SAMD11: variants seen among roughly 807,000 people sequenced by gnomAD.
SAMD11 encodes sterile alpha motif domain containing 11, also known as sterile alpha motif domain-containing protein 11.
In SAMD11, 77 loss-of-function variants were observed where a neutral mutation model predicts 64.4. The observed-to-expected ratio is 1.20, with a 90% CI of 0.99 to 1.44. SAMD11 has a LOEUF of 1.44. Ranked by LOEUF, SAMD11 falls within the 40% of genes most tolerant of loss-of-function variation. The pLI is 0.00. For missense variants in SAMD11, 1,402 were observed against 943.3 expected (o/e 1.49, Z -6.37); for synonymous variants, 658 against 421.9 (o/e 1.56, Z -6.86).
At position 942,826 on chromosome 1, in the gene SAMD11, C is replaced by G; in HGVS notation, c.1821C>G (p.Pro607=). ...KGGPGPASAR[P]SESKEMTGAR... is the part of the protein sequence containing the mutation. ...GTCCCGGCCCTGCCTCAGCGCGGCC[C>G]AGCGAGTCCAAGGAGATGACGGGGG... Residue 607 remains proline, a synonymous_variant, in exon 11 of 14, where the codon CCC becomes CCG. Transcript: ENST00000616016. 5 of 1,549,424 alleles carry G rather than the reference C, an allele frequency of 3.2e-6. No homozygotes were observed. Among genetic ancestry groups the G allele is most frequent in the Non-Finnish European group, 4.4e-6 (5 of 1,146,774 alleles).
chr1:935,908 AG>A lies in SAMD11; in HGVS notation c.967+17del. On this transcript the variant is annotated intron_variant, in intron 5 of 13. Coordinates refer to ENST00000616016, the MANE Select transcript of SAMD11 (RefSeq NM_001385641.1). ...CCTGCGACCCGCCGGTGAGGAGCAC[AG>A]GGGGCCTGAGGGCGGGGTCGGGGCT... 6.2e-7 allele frequency: 1 copy of A among 1,611,568 alleles called. No homozygotes were observed. Among genetic ancestry groups the A allele is most frequent in the Non-Finnish European group, 8.5e-7 (1 of 1,179,132 alleles).
At chr1:926,991 T>C (rs1640924486) in intron 2 of SAMD11, among the ~76,000 whole-genome samples, 2 of 152,042 alleles carry the variant, frequency 1.3e-5, no homozygotes, top group Admixed American at 1.3e-4. Context: ...CTGTGAGCCA[T>C]GAGTGCCGTA....
chr1:925,570 G>A (rs1640842110), intron 1 of SAMD11, among the ~76,000 whole-genome samples: 1 of 152,174 alleles, frequency 6.6e-6, no homozygotes, highest in African/African-American at 2.4e-5. Context: ...CGCAGGCCGA[G>A]GGTCCCGACG....
chr1:937,464 G>A (rs1168122232), intron 5 of SAMD11, among the ~76,000 whole-genome samples: 1 of 151,562 alleles, frequency 6.6e-6, no homozygotes, highest in South Asian at 2.1e-4. Flanking sequence ...GAACGGAGAG[G>A]GTAGTTTCCA....
chr1:939,587 C>A (rs1386028436), intron 7 of SAMD11, 175 bp downstream of exon 7: 10 of 1,210,554 alleles, frequency 8.3e-6, no homozygotes, highest in Non-Finnish European at 1.0e-5. Flanking sequence ...GCCACACGTC[C>A]TGCCCCATGC....
intron 5 of SAMD11, among the ~76,000 whole-genome samples, chr1:938,681 G>T (rs188429060): frequency 3.3e-5 from 5 of 152,234 alleles, no homozygotes; most frequent in Non-Finnish European, 7.3e-5. Context: ...GGAGGGGAAG[G>T]TGGTGCCTGG....
At position 942,157 on chromosome 1, in the gene SAMD11, C is replaced by T. The variant is rs750117036; in HGVS notation, c.1380C>T (p.Pro460=). The T allele has an allele frequency of 9.2e-6, 13 of 1,408,634 alleles. No individual in the cohort carries two copies. The Admixed American group carries it at 1.4e-4, about 15-fold the overall frequency. The allele number at this position is 1,408,634 out of a possible 1,614,324, so 87.3% of individuals were successfully genotyped here. Residue 460 remains proline, a synonymous_variant, in exon 9 of 14, where the codon CCC becomes CCT. Coordinates refer to ENST00000616016, the MANE Select transcript of SAMD11 (RefSeq NM_001385641.1). ...ACAGGGAGCTGCCTCAGCCGCCCCCCTTGCTGTCGCCGCAGAATGCCCCTC... is the reference window on the plus strand; with the variant it reads ...ACAGGGAGCTGCCTCAGCCGCCCCCTTTGCTGTCGCCGCAGAATGCCCCTC... ...FSERELPQPP[P]LLSPQNAPHV...
intron 4 of SAMD11, among the ~76,000 whole-genome samples, chr1:932,564 G>C (rs1641219778): frequency 6.6e-6 from 1 of 152,248 alleles, no homozygotes; most frequent in African/African-American, 2.4e-5. Flanking sequence ...TGTCCGGTCA[G>C]AGCGGGTGGT....
intron 8 of SAMD11, among the ~76,000 whole-genome samples, chr1:941,801 A>G (rs931883480): frequency 6.6e-6 from 1 of 152,072 alleles, no homozygotes; most frequent in Non-Finnish European, 1.5e-5. Context: ...CGGCGTCTGC[A>G]GCTGCCTCCA....
In SAMD11 at chr1:939,424, C is replaced by T. The variant is rs756102009; in HGVS notation, c.1195+12C>T. 1 of 1,441,878 alleles carries T rather than the reference C, an allele frequency of 6.9e-7. No homozygotes were observed. The highest frequency in any genetic ancestry group is 9.6e-7 in the Non-Finnish European group (1 of 1,044,478). The allele number at this position is 1,441,878 out of a possible 1,614,324, so 89.3% of individuals were successfully genotyped here. The stretch of plus-strand genomic sequence containing the variant: ...CCTCCCCAGCCACGGTGAGGACCCA[C>T]CCTGGCATGATCCCCCTCATCACCT... On this transcript the variant is annotated intron_variant, in intron 7 of 13. Coordinates refer to ENST00000616016, the MANE Select transcript of SAMD11 (RefSeq NM_001385641.1).
At position 942,448 on chromosome 1, in the gene SAMD11, G is replaced by T. The variant is rs769309996; in HGVS notation, c.1513G>T (p.Ala505Ser). 6.7e-7 allele frequency: 1 copy of T among 1,487,860 alleles called. No homozygotes were observed. 92.2% of individuals were successfully genotyped at this position (1,487,860 alleles called of 1,614,324 possible). A position where few individuals can be genotyped will look rare whatever the true frequency, so the allele number is the denominator to read the frequency against. The change falls in exon 10 of 14, where the codon GCC (alanine) becomes TCC (serine). Residue 505 changes from alanine (A) to serine (S), a missense_variant. Physicochemically the swap from Ala to Ser is moderately conservative, Grantham distance 99. Transcript: ENST00000616016. ...FLPPAQAEMF[A>S]WQQELLRKQN... ...GCCCCCCGCGCAGGCGGAGATGTTC[G>T]CCTGGCAGCAGGAGCTCCTGCGGAA...
chr1:928,341 C>G (rs939158313), intron 2 of SAMD11, among the ~76,000 whole-genome samples: 35 of 152,274 alleles, frequency 2.3e-4, no homozygotes, highest in Admixed American at 8.5e-4. Flanking sequence ...GCAGTGAGCC[C>G]AGATTGTGCC....
chr1:944,213 G>A lies in SAMD11; in HGVS notation c.*60G>A. ...TCCAGGAGCCACCACTCAACACAAT[G>A]GCCCTGCCTCCCACCGCTTTATTTC... is the stretch of plus-strand genomic sequence containing the variant. On this transcript the variant is annotated 3_prime_UTR_variant, in exon 14 of 14. Transcript: ENST00000616016. 1 of 1,480,584 alleles carries A rather than the reference G, an allele frequency of 6.8e-7. No individual in the cohort carries two copies. The highest frequency in any genetic ancestry group is 9.0e-7 in the Non-Finnish European group (1 of 1,116,702). The allele number at this position is 1,480,584 out of a possible 1,614,324, so 91.7% of individuals were successfully genotyped here. A position where few individuals can be genotyped will look rare whatever the true frequency, so the allele number is the denominator to read the frequency against.
chr1:942,770 G>A lies in SAMD11; in HGVS notation c.1765G>A (p.Asp589Asn), dbSNP rs1221076375. ...CTCCGGACCCCCCACCCCGTCCCGG[G>A]ACTCTGCCCGGCGAGCCCCCCGGAA... is the stretch of plus-strand genomic sequence containing the variant. ...PGSGPPTPSR[D>N]SARRAPRKGG... is the part of the protein sequence containing the mutation. The change falls in exon 11 of 14, where the codon GAC (aspartate) becomes AAC (asparagine). Residue 589 changes from aspartate to asparagine, a missense_variant. Coordinates refer to ENST00000616016, the MANE Select transcript of SAMD11 (RefSeq NM_001385641.1). 3.3e-6 allele frequency: 5 copies of A among 1,533,994 alleles called. No homozygotes were observed. Among genetic ancestry groups the A allele is most frequent in the Middle Eastern group, 1.8e-4 (1 of 5,408 alleles).
rs752999505 is a variant in SAMD11, at chr1:944,063, C to T, written c.2445C>T (p.His815=). The part of the protein sequence containing the change: ...TTATSPYGGG[H]ALAGQTSPKQ... ...CCACGTCCCCCTATGGAGGGGGCCA[C>T]GCCCTTGCCGGTCAAACTTCACCCA... Residue 815 remains histidine, a synonymous_variant, in exon 14 of 14, where the codon CAC becomes CAT. Transcript: ENST00000616016. 4.5e-5 allele frequency: 72 copies of T among 1,612,610 alleles called. No individual in the cohort carries two copies. Among genetic ancestry groups the T allele is most frequent in the South Asian group, 1.6e-4 (15 of 91,080 alleles).
rs1295900753 is a variant in SAMD11 at position 943,194 on chromosome 1, G to GGA, written c.2054-56_2054-55dup. ...CAGCAATTGGGGCACACGACGGTCA[G>GGA]GAGACGGGCGGGTATGGGAAAGCCA... On this transcript the variant is annotated intron_variant, in intron 11 of 13. Transcript: ENST00000616016. The GGA allele has an allele frequency of 2.5e-6, 4 of 1,609,054 alleles. No individual in the cohort carries two copies. The East Asian group carries it at 8.9e-5, about 36-fold the overall frequency.
In SAMD11 at chr1:942,595, G is replaced by T; in HGVS notation, c.1590G>T (p.Glu530Asp). 7.0e-7 allele frequency: 1 copy of T among 1,434,558 alleles called. No homozygotes were observed. 88.9% of individuals were successfully genotyped at this position (1,434,558 alleles called of 1,614,324 possible). The change falls in exon 11 of 14, where the codon GAG becomes GAT. Residue 530 changes from glutamate (E) to aspartate (D), a missense_variant. Transcript: ENST00000616016. ...ELPADLLRQK[E>D]LESARPQLLA... ...CCGCCGACCTCCTGCGGCAGAAGGAGCTGGAGAGCGCGCGCCCACAGCTGC... is the reference window on the plus strand; with the variant it reads ...CCGCCGACCTCCTGCGGCAGAAGGATCTGGAGAGCGCGCGCCCACAGCTGC...
Position 941,178 on chromosome 1 carries a change from A to G in SAMD11, c.1230A>G (p.Ala410=). ...LLRVRQEVAA[A]ALRGPSGLEA... is the part of the protein sequence containing the mutation. The stretch of plus-strand genomic sequence containing the variant: ...GGGTCCGGCAGGAGGTGGCGGCTGC[A>G]GCTCTGAGGGGCCCCAGTGGCCTGG... The change falls in exon 8 of 14, where the codon GCA becomes GCG. Residue 410 remains alanine (A), a synonymous_variant. Transcript: ENST00000616016. 1 of 1,602,376 alleles carries G rather than the reference A, an allele frequency of 6.2e-7. No homozygotes were observed. Among genetic ancestry groups the G allele is most frequent in the Non-Finnish European group, 8.5e-7 (1 of 1,175,454 alleles).
At chr1:943,548 TGC>T (rs1641952285) in intron 12 of SAMD11, 148 bp from the exon 13 acceptor site, 3 of 310,420 alleles carry the variant, frequency 9.7e-6, no homozygotes, top group South Asian at 2.1e-4. Context: ...TTTTTTTTTT[TGC>T]CAGGTGTTTT....
Sources: gnomAD v4.1 joint callset for allele counts (sites outside exome capture counted in the v4.1 genomes callset) on GRCh38, gnomAD v4.1.1 for gene constraint, MANE v1.5 for transcripts, NCBI Gene and HGNC (gene_info 2026-07-23, HGNC 2026-07-21) for gene names.